Variants in NFIB observed in about 807,000 individuals in gnomAD.
NFIB encodes the protein nuclear factor 1 B-type.
In NFIB, 11 loss-of-function variants were observed where a neutral mutation model predicts 61.5. The observed-to-expected ratio is 0.18, with a 90% confidence interval of 0.11 to 0.30. The LOEUF (loss-of-function observed/expected upper bound fraction) is 0.30, where lower values mean the gene tolerates loss of function less well. Among genes scored for constraint, NFIB ranks in the 10% least tolerant of loss-of-function variants. The probability of loss-of-function intolerance (pLI) is 1.00; values close to 1 mark genes in which losing one functional copy is unlikely to be tolerated. For missense variants in NFIB, 471 were observed against 608.9 expected (o/e 0.77, Z 2.38); for synonymous variants, 260 against 216.5 (o/e 1.20, Z -1.76).
At chr9:14,415,556 G>A in the NFIB span, among the ~76,000 whole-genome samples, 1 of 152,168 alleles carries the variant, frequency 6.6e-6, no homozygotes, top group Non-Finnish European at 1.5e-5. Flanking sequence ...AAGAGGAAAA[G>A]GCATTGTCCA....
At chr9:14,334,380 C>A (rs1234675096) in intron 1 of NFIB, among the ~76,000 whole-genome samples, 1 of 152,184 alleles carries the variant, frequency 6.6e-6, no homozygotes, top group Non-Finnish European at 1.5e-5. Context: ...AGACTATATT[C>A]CAACGTATAG....
At chr9:14,510,019 C>T in the NFIB span, among the ~76,000 whole-genome samples, 7 of 152,168 alleles carry the variant, frequency 4.6e-5, no homozygotes, top group Non-Finnish European at 8.8e-5. Flanking sequence ...GCCTCAGCCT[C>T]CTGAGTAGCT....
At chr9:14,338,633 G>A (rs1006263571) in intron 1 of NFIB, among the ~76,000 whole-genome samples, 2 of 152,152 alleles carry the variant, frequency 1.3e-5, no homozygotes, top group African/African-American at 4.8e-5. Flanking sequence ...CAGAAAACAT[G>A]TGAAATATAC....
At chr9:14,322,076 TAAAAAAAAAAAAAAA>T (rs3081606) in intron 1 of NFIB, 29 of 1,111,612 alleles carry the variant, frequency 2.6e-5, no homozygotes, top group Non-Finnish European at 3.0e-5. Flanking sequence ...TGTGTTTAGT[TAAAAAAAAAAAAAAA>T]AAAAAAAAAA....
At chr9:14,201,899 ATTT>A (rs869271463) in intron 2 of NFIB, among the ~76,000 whole-genome samples, 2 of 104,784 alleles carry the variant, frequency 1.9e-5, no homozygotes, top group Non-Finnish European at 4.0e-5. Flanking sequence ...CCATTCGTTT[ATTT>A]TTTTGAAAAG....
At chr9:14,261,016 G>T (rs564237919) in intron 2 of NFIB, among the ~76,000 whole-genome samples, 8 of 152,226 alleles carry the variant, frequency 5.3e-5, no homozygotes, top group Admixed American at 2.6e-4. Flanking sequence ...CAAGACAACA[G>T]CATTTAAGAC....
rs188669381 is a variant in NFIB, at chr9:14,390,208, A to G, written c.108+8316T>C. Among the ~76,000 whole-genome samples, 12 of 152,290 alleles carry G rather than the reference A, an allele frequency of 7.9e-5. No homozygotes were observed. The East Asian group carries it at 2.1e-3, about 27-fold the overall frequency. On this transcript the variant is annotated intron_variant, in intron 1 of 8. Coordinates refer to the NFIB transcript ENST00000380934. Reference sequence around the variant, plus strand: ...AATCATGCCACAGTTATAACAACAGACAGATCTGAGTTTTATGTGGATCCT... The same window carrying G: ...AATCATGCCACAGTTATAACAACAGGCAGATCTGAGTTTTATGTGGATCCT...
chr9:14,368,271 C>A (rs781110972), intron 1 of NFIB, among the ~76,000 whole-genome samples: 26 of 152,034 alleles, frequency 1.7e-4, no homozygotes, highest in Non-Finnish European at 3.8e-4. Flanking sequence ...TTTAAGATGA[C>A]AGCCAAGAAG....
intron 2 of NFIB, among the ~76,000 whole-genome samples, chr9:14,195,795 C>A (rs1022464771): frequency 5.3e-5 from 8 of 151,922 alleles, no homozygotes; most frequent in African/African-American, 1.7e-4. Flanking sequence ...GTATGTCACA[C>A]CATGAAAAAC....
At chr9:14,237,497 C>T (rs1471356049) in intron 2 of NFIB, among the ~76,000 whole-genome samples, 1 of 152,082 alleles carries the variant, frequency 6.6e-6, no homozygotes, top group East Asian at 1.9e-4. Context: ...TGTCTATGTA[C>T]CTTCTCATTA....
chr9:14,494,580 G>T, the NFIB span, among the ~76,000 whole-genome samples: 1 of 152,162 alleles, frequency 6.6e-6, no homozygotes, highest in Admixed American at 6.5e-5. Context: ...CAGAGTATTT[G>T]TCATAGAGTG....
At chr9:14,122,441 T>C (rs2039066230) in intron 7 of NFIB, among the ~76,000 whole-genome samples, 1 of 152,196 alleles carries the variant, frequency 6.6e-6, no homozygotes, top group Non-Finnish European at 1.5e-5. Flanking sequence ...ATATTTTAAA[T>C]AAGTGTCCAT....
upstream of NFIB, among the ~76,000 whole-genome samples, chr9:14,316,371 G>A (rs1215682818): frequency 6.6e-6 from 1 of 151,880 alleles, no homozygotes; most frequent in Non-Finnish European, 1.5e-5. Context: ...GGAGGCCGGG[G>A]ACGGGGGCTG....
chr9:14,179,267 T>A (rs1336076211), intron 3 of NFIB, among the ~76,000 whole-genome samples: 1 of 152,080 alleles, frequency 6.6e-6, no homozygotes, highest in African/African-American at 2.4e-5. Context: ...AAAAACTTTA[T>A]GGAATAAAAA....
Position 14,378,498 on chromosome 9 carries a change from A to AG in NFIB, c.108+20025dup, listed in dbSNP as rs532763912. ...CAGCCTCCTGAGTAGCTGGGACTAT[A>AG]GGCACGCGCCACCACGCCCAGCTAG... On this transcript the variant is annotated intron_variant, in intron 1 of 8. Transcript: ENST00000380934. Among the ~76,000 whole-genome samples the AG allele has an allele frequency of 1.3e-3, 205 of 152,276 alleles. No homozygotes were observed. The Middle Eastern group carries it at 0.017, about 13-fold the overall frequency.
At chr9:14,415,661 G>C in the NFIB span, among the ~76,000 whole-genome samples, 2 of 152,236 alleles carry the variant, frequency 1.3e-5, no homozygotes, top group Non-Finnish European at 2.9e-5. Flanking sequence ...GCTTAGGGAA[G>C]ATGAAGGGAA....
At chr9:14,183,573 T>C (rs571810043) in intron 2 of NFIB, among the ~76,000 whole-genome samples, 7 of 151,922 alleles carry the variant, frequency 4.6e-5, no homozygotes, top group Non-Finnish European at 7.4e-5. Context: ...CCAGCTAGTT[T>C]TTGTATTTTT....
At chr9:14,338,095 A>G (rs1371203543) in intron 1 of NFIB, among the ~76,000 whole-genome samples, 1 of 152,130 alleles carries the variant, frequency 6.6e-6, no homozygotes, top group African/African-American at 2.4e-5. Flanking sequence ...GGCTAAATTG[A>G]AAGAAAAGAA....
intron 7 of NFIB, among the ~76,000 whole-genome samples, chr9:14,124,150 A>C (rs1432710009): frequency 2.6e-5 from 4 of 152,180 alleles, no homozygotes; most frequent in African/African-American, 4.8e-5. Context: ...GTGAAGGACC[A>C]AGGTGGAGGG....
Sources: allele counts gnomAD v4.1 joint callset (sites outside exome capture counted in the v4.1 genomes callset), GRCh38; gene constraint gnomAD v4.1.1; transcripts MANE v1.5; gene names NCBI Gene and HGNC (gene_info 2026-07-23, HGNC 2026-07-21).